IMMP2L: variants seen among roughly 807,000 people sequenced by gnomAD.
The protein encoded by IMMP2L is mitochondrial inner membrane protease subunit 2.
Under a neutral mutation model 19.3 loss-of-function variants are expected in IMMP2L, and 18 were observed. That is an observed-to-expected ratio of 0.93 (90% CI 0.64 to 1.38). The LOEUF is 1.38. Ranked by LOEUF, IMMP2L falls within the 40% of genes most tolerant of loss-of-function variation. The probability of loss-of-function intolerance (pLI) is 0.00; values close to 1 mark genes in which losing one functional copy is unlikely to be tolerated. For missense variants in IMMP2L, 233 were observed against 218.2 expected (o/e 1.07, Z -0.43); for synonymous variants, 76 against 73.0 (o/e 1.04, Z -0.21).
At chr7:111,405,753 G>A in intron 3 of IMMP2L, among the ~76,000 whole-genome samples, 1 of 152,042 alleles carries the variant, frequency 6.6e-6, no homozygotes, top group East Asian at 1.9e-4. Flanking sequence ...TAGGACTTTT[G>A]TCTTTCTCTA....
At chr7:111,101,468 A>G (rs1797966973) in intron 3 of IMMP2L, among the ~76,000 whole-genome samples, 1 of 151,454 alleles carries the variant, frequency 6.6e-6, no homozygotes, top group African/African-American at 2.4e-5. Flanking sequence ...TTTCTGCACA[A>G]AGTTACAGAA....
intron 3 of IMMP2L, among the ~76,000 whole-genome samples, chr7:111,137,218 T>C (rs1329752613): frequency 6.6e-6 from 1 of 152,152 alleles, no homozygotes; most frequent in Non-Finnish European, 1.5e-5. Context: ...GCATTTATAG[T>C]GGTATAACAG....
intron 5 of IMMP2L, among the ~76,000 whole-genome samples, chr7:110,818,557 G>A (rs1318587239): frequency 4.6e-5 from 7 of 152,088 alleles, no homozygotes; most frequent in Admixed American, 2.6e-4. Context: ...TTGGTGTGGC[G>A]ATTCCTCAGG....
intron 3 of IMMP2L, among the ~76,000 whole-genome samples, chr7:111,424,334 T>C (rs1276801052): frequency 1.3e-5 from 2 of 151,798 alleles, no homozygotes; most frequent in East Asian, 3.9e-4. Flanking sequence ...AGAAGGAAGA[T>C]AGATGGGTGG....
chr7:111,285,907 C>T (rs1025727021), intron 3 of IMMP2L, among the ~76,000 whole-genome samples: 2 of 152,124 alleles, frequency 1.3e-5, no homozygotes, highest in African/African-American at 2.4e-5. Flanking sequence ...TGAGAGACAA[C>T]AATAACCCTG....
intron 3 of IMMP2L, chr7:111,122,734 C>T: frequency 6.6e-7 from 1 of 1,520,578 alleles, no homozygotes; most frequent in Non-Finnish European, 9.0e-7. Flanking sequence ...ACTGTGGAAT[C>T]CTTAAGGGCC....
intron 5 of IMMP2L, among the ~76,000 whole-genome samples, chr7:110,854,777 T>A (rs1806580183): frequency 6.6e-6 from 1 of 151,856 alleles, no homozygotes; most frequent in African/African-American, 2.4e-5. Flanking sequence ...TTTGCTTGAG[T>A]CTCTAATAAC....
intron 4 of IMMP2L, chr7:110,963,004 T>C (rs1819127739): frequency 1.3e-6 from 2 of 1,499,628 alleles, no homozygotes; most frequent in South Asian, 1.3e-5. Flanking sequence ...AAACACCTGA[T>C]TGTTACAATC....
At chr7:110,871,400 T>A (rs1446362181) in intron 5 of IMMP2L, among the ~76,000 whole-genome samples, 2 of 151,988 alleles carry the variant, frequency 1.3e-5, no homozygotes, top group Non-Finnish European at 2.9e-5. Flanking sequence ...AATTTAGAAA[T>A]CTGGCAGAGA....
chr7:110,725,886 T>C (rs2130791057), intron 5 of IMMP2L: 1 of 152,372 alleles, frequency 6.6e-6, no homozygotes, highest in Non-Finnish European at 1.5e-5. Context: ...CTGCTGCTAC[T>C]ACTTACATAG....
At chr7:110,802,224 T>C (rs1801300906) in intron 5 of IMMP2L, among the ~76,000 whole-genome samples, 2 of 152,062 alleles carry the variant, frequency 1.3e-5, no homozygotes, top group Admixed American at 6.6e-5. Flanking sequence ...AAAAATCCTC[T>C]TCTGAATTTT....
intron 2 of IMMP2L, among the ~76,000 whole-genome samples, chr7:111,500,223 G>C (rs1439621191): frequency 6.6e-6 from 1 of 152,160 alleles, no homozygotes; most frequent in Non-Finnish European, 1.5e-5. Context: ...ACAGCAGTCT[G>C]AGATCAAAAT....
chr7:111,447,372 T>A (rs1393776163), intron 3 of IMMP2L, among the ~76,000 whole-genome samples: 1 of 146,954 alleles, frequency 6.8e-6, no homozygotes, highest in East Asian at 2.0e-4. Flanking sequence ...ACAGAAACCC[T>A]ACAAGCCAGA....
chr7:111,221,092 C>T (rs1311537431), intron 3 of IMMP2L, among the ~76,000 whole-genome samples: 1 of 151,952 alleles, frequency 6.6e-6, no homozygotes, highest in Non-Finnish European at 1.5e-5. Flanking sequence ...GTCAAGTTGA[C>T]ACATAAAATT....
At chr7:111,050,689 G>C (rs1416810910) in intron 3 of IMMP2L, among the ~76,000 whole-genome samples, 2 of 152,136 alleles carry the variant, frequency 1.3e-5, no homozygotes, top group Non-Finnish European at 1.5e-5. Flanking sequence ...TCTAATTGCT[G>C]CCTGTTTATC....
chr7:110,963,694 A>T (rs1819215477), intron 3 of IMMP2L, 129 bp from the exon 4 acceptor site: 2 of 456,058 alleles, frequency 4.4e-6, no homozygotes, highest in Non-Finnish European at 7.7e-6. Context: ...ATGACATGAC[A>T]TCAGTCTCAC....
chr7:110,794,675 T>G (rs1478889825), intron 5 of IMMP2L, among the ~76,000 whole-genome samples: 1 of 152,046 alleles, frequency 6.6e-6, no homozygotes, highest in Non-Finnish European at 1.5e-5. Context: ...ATTGCTATTA[T>G]CACCTTGGAA....
At chr7:111,525,167 G>A (rs553811293) in intron 1 of IMMP2L, among the ~76,000 whole-genome samples, 1 of 152,262 alleles carries the variant, frequency 6.6e-6, no homozygotes, top group East Asian at 1.9e-4. Flanking sequence ...GGAAGAGGCT[G>A]AACTGAAAAA....
intron 3 of IMMP2L, among the ~76,000 whole-genome samples, chr7:111,485,617 A>AAAAAAAAAAAAAAAAAAAAAC (rs1563252461): frequency 6.8e-6 from 1 of 147,064 alleles, no homozygotes; most frequent in African/African-American, 2.6e-5. Flanking sequence ...AAAAAAAAAA[A>AAAAAAAAAAAAAAAAAAAAAC]AAAAAAAACA....
Sources: allele counts gnomAD v4.1 joint callset (sites outside exome capture counted in the v4.1 genomes callset), GRCh38; gene constraint gnomAD v4.1.1; transcripts MANE v1.5; gene names NCBI Gene and HGNC (gene_info 2026-07-23, HGNC 2026-07-21).